Variants in MLLT1 observed in about 807,000 individuals in gnomAD.
The protein encoded by MLLT1 is MLLT1 super elongation complex subunit.
Under a neutral mutation model 55.1 loss-of-function variants are expected in MLLT1, and 11 were observed. The ratio of observed to expected loss-of-function variants is 0.20; its 90% confidence interval spans 0.13 to 0.33. The LOEUF (loss-of-function observed/expected upper bound fraction) is 0.33, where lower values mean the gene tolerates loss of function less well. Ranked by LOEUF, MLLT1 falls within the 10% of genes least tolerant of loss-of-function variation. The pLI is 1.00. For missense variants in MLLT1, 536 were observed against 760.6 expected (o/e 0.70, Z 3.47); for synonymous variants, 323 against 320.1 (o/e 1.01, Z -0.10).
Position 6,222,761 on chromosome 19 carries a change from CCT to C in MLLT1, c.547-79_547-78del, listed in dbSNP as rs1173506042. The C allele has an allele frequency of 5.6e-6, 7 of 1,247,430 alleles. No homozygotes were observed. The East Asian group carries it at 1.0e-4, about 18-fold the overall frequency. 77.3% of individuals were successfully genotyped at this position (1,247,430 alleles called of 1,614,324 possible). ...TTGCGGGGCGCCCTGCTCCGCCACC[CCT>C]GACCCCTACAAAGCATAATCCACCT... On this transcript the variant is annotated intron_variant, in intron 5 of 11. Coordinates refer to ENST00000252674, the MANE Select transcript of MLLT1 (RefSeq NM_005934.4). The surrounding 1 kb of genome is among the most constrained non-coding windows in gnomAD (Gnocchi z 4.1).
chr19:6,265,057 CAAAAA>C (rs1206210263), intron 2 of MLLT1, among the ~76,000 whole-genome samples: 1 of 32,602 alleles, frequency 3.1e-5, no homozygotes, highest in Non-Finnish European at 6.8e-5. Context: ...AACAAAAAAA[CAAAAA>C]AACAAAAAAA....
chr19:6,213,271 C>T, intron 11 of MLLT1, 66 bp downstream of exon 11: 1 of 1,607,958 alleles, frequency 6.2e-7, no homozygotes, highest in South Asian at 1.1e-5. Flanking sequence ...ACCAGGGGCC[C>T]CCGCAGCCCA....
In MLLT1 at chr19:6,256,220, GATAAATAAATAA is replaced by G. The variant is rs200816706; in HGVS notation, c.276+5996_276+6007del. Among the ~76,000 whole-genome samples, 7 of 141,968 alleles carry G rather than the reference GATAAATAAATAA, an allele frequency of 4.9e-5. No homozygotes were observed. The highest frequency in any genetic ancestry group is 8.2e-5 in the African/African-American group (3 of 36,630). The allele number at this position is 141,968 out of a possible 152,430, so 93.1% of individuals were successfully genotyped here. On this transcript the variant is annotated intron_variant, in intron 3 of 11. Coordinates refer to ENST00000252674, the MANE Select transcript of MLLT1 (RefSeq NM_005934.4). This position sits in a 1 kb window ranked among gnomAD's most constrained non-coding sequence, Gnocchi z 4.1. ...CAAGAGCGAAACTCTGTCTCAAAAA[GATAAATAAATAA>G]ATAAATAAATAAATAAATAAATAAA...
At chr19:6,253,126 T>C (rs12150936) in intron 3 of MLLT1, among the ~76,000 whole-genome samples, 52,165 of 150,026 alleles carry the variant, frequency 0.35, 10,800 homozygotes, top group African/African-American at 0.59. Context: ...ATTAGCCAGG[T>C]ATGGTGGGCA....
chr19:6,222,757 C>G lies in MLLT1; in HGVS notation c.547-73G>C. ...GGCATTGCGGGGCGCCCTGCTCCGC[C>G]ACCCCTGACCCCTACAAAGCATAAT... On this transcript the variant is annotated intron_variant, in intron 5 of 11. Transcript: ENST00000252674. This position sits in a 1 kb window ranked among gnomAD's most constrained non-coding sequence, Gnocchi z 4.1. The G allele has an allele frequency of 8.0e-7, 1 of 1,255,516 alleles. No individual in the cohort carries two copies. Among genetic ancestry groups the G allele is most frequent in the Admixed American group, 2.6e-5 (1 of 38,924 alleles). 77.8% of individuals were successfully genotyped at this position (1,255,516 alleles called of 1,614,324 possible).
intron 11 of MLLT1, 55 bp downstream of exon 11, chr19:6,213,282 C>T (rs1218926966): frequency 6.2e-7 from 1 of 1,609,034 alleles, no homozygotes; most frequent in Non-Finnish European, 8.5e-7. Context: ...CCGCAGCCCA[C>T]ACTCCTCACA....
Position 6,222,663 on chromosome 19 carries a change from T to C in MLLT1, c.568A>G (p.Lys190Glu). Residue 190 changes from lysine (K) to glutamate (E), a missense_variant, in exon 6 of 12, where the codon AAG becomes GAG. By Grantham distance (56) the Lys-to-Glu change is moderately conservative. Around this residue, in one of 3 missense-constraint regions of MLLT1, gnomAD observed 449 missense variants for 489.0 expected, o/e 0.92. Transcript: ENST00000252674. The surrounding 1 kb of genome is among the most constrained non-coding windows in gnomAD (Gnocchi z 4.1). ...GTCACCTTGTGTGGCTTGGAGGTCT[T>C]GCTGCTCTCCTTGTTGGCGTCCTGC... ...GSKDANKESSKTSKPHKVTKE... is the reference protein window; with the variant it reads ...GSKDANKESSETSKPHKVTKE... 1 of 1,550,768 alleles carries C rather than the reference T, an allele frequency of 6.4e-7. No individual in the cohort carries two copies. The highest frequency in any genetic ancestry group is 1.4e-5 in the African/African-American group (1 of 73,188).
chr19:6,215,798 G>A (rs1200360048), intron 8 of MLLT1, among the ~76,000 whole-genome samples: 2 of 152,176 alleles, frequency 1.3e-5, no homozygotes, highest in East Asian at 1.9e-4. Flanking sequence ...TGTGCCCGGG[G>A]CCAAGGCCAG....
Position 6,229,404 on chromosome 19 carries a change from T to A in MLLT1, c.420+1166A>T, listed in dbSNP as rs144223754. Among the ~76,000 whole-genome samples, 968 of 151,942 alleles carry A rather than the reference T, an allele frequency of 6.4e-3. 6 individuals are homozygous for A. The highest frequency in any genetic ancestry group is 0.011 in the Non-Finnish European group (746 of 67,920). ...AGGAGAACGACGGCCACCAAGGACC[T>A]GACCATGCCCCATGAGGAGGAAGGA... is the stretch of plus-strand genomic sequence containing the variant. On this transcript the variant is annotated intron_variant, in intron 4 of 11. Transcript: ENST00000252674. The surrounding 1 kb of genome is among the most constrained non-coding windows in gnomAD (Gnocchi z 5.2).
At chr19:6,255,662 T>C (rs1224235485) in intron 3 of MLLT1, among the ~76,000 whole-genome samples, 1 of 152,198 alleles carries the variant, frequency 6.6e-6, no homozygotes, top group Non-Finnish European at 1.5e-5. Context: ...GTTTCAAAAA[T>C]GACTAGATAC....
intron 6 of MLLT1, among the ~76,000 whole-genome samples, chr19:6,221,557 G>A (rs2090896802): frequency 1.3e-5 from 2 of 152,242 alleles, no homozygotes; most frequent in Admixed American, 6.5e-5. Context: ...CCAAGTCACA[G>A]CTGTGTGCGA....
chr19:6,212,215 C>T lies in MLLT1; in HGVS notation c.*827G>A, dbSNP rs1298680338. ...CGAGAGCAGACTGGTGGCTCCCGGG[C>T]GCCCTGAGGACTCGCTGCCCTTTGT... On this transcript the variant is annotated 3_prime_UTR_variant, in exon 12 of 12. Coordinates refer to ENST00000252674, the MANE Select transcript of MLLT1 (RefSeq NM_005934.4). The T allele has an allele frequency of 2.7e-5, 29 of 1,065,926 alleles. No homozygotes were observed. In the South Asian group the frequency reaches 5.0e-4, roughly 18 times the overall value. 66.0% of individuals were successfully genotyped at this position (1,065,926 alleles called of 1,614,324 possible). A position where few individuals can be genotyped will look rare whatever the true frequency, so the allele number is the denominator to read the frequency against.
intron 3 of MLLT1, chr19:6,259,462 A>G (rs1454377505): frequency 6.6e-6 from 1 of 152,218 alleles, no homozygotes; most frequent in Non-Finnish European, 1.5e-5. Flanking sequence ...TTCCAATCCT[A>G]GCTCTGCCAA....
At chr19:6,244,043 C>CAAAAAAA (rs1179461309) in intron 3 of MLLT1, among the ~76,000 whole-genome samples, 2 of 45,208 alleles carry the variant, frequency 4.4e-5, no homozygotes, top group East Asian at 1.5e-3. Context: ...GACTCCACCT[C>CAAAAAAA]AAAAAAAAAA....
chr19:6,270,516 C>T lies in MLLT1; in HGVS notation c.193+63G>A. ...CTCCTGAGGGAGGGGTGGAGCCTGG[C>T]CTTGGGAGGAGTGAAGACAGATGGG... On this transcript the variant is annotated intron_variant, in intron 2 of 11. Coordinates refer to ENST00000252674, the MANE Select transcript of MLLT1 (RefSeq NM_005934.4). This position sits in a 1 kb window ranked among gnomAD's most constrained non-coding sequence, Gnocchi z 7.1. 6.6e-7 allele frequency: 1 copy of T among 1,520,954 alleles called. No homozygotes were observed. The highest frequency in any genetic ancestry group is 1.2e-5 in the South Asian group (1 of 80,070). 94.2% of individuals were successfully genotyped at this position (1,520,954 alleles called of 1,614,324 possible).
chr19:6,222,981 C>T lies in MLLT1; in HGVS notation c.547-297G>A, dbSNP rs1471654077. Among the ~76,000 whole-genome samples the T allele has an allele frequency of 6.6e-6, 1 of 152,184 alleles. No individual in the cohort carries two copies. The highest frequency in any genetic ancestry group is 1.5e-5 in the Non-Finnish European group (1 of 68,024). On this transcript the variant is annotated intron_variant, in intron 5 of 11. Coordinates refer to ENST00000252674, the MANE Select transcript of MLLT1 (RefSeq NM_005934.4). This position sits in a 1 kb window ranked among gnomAD's most constrained non-coding sequence, Gnocchi z 4.1. ...CAAGAAGAGCACAGGGTGAGTCAGG[C>T]AGAGCATGGCCACTTCGCCCGCACC...
In MLLT1 at chr19:6,224,769, G is replaced by C. The variant is rs12980100; in HGVS notation, c.547-2085C>G. The stretch of plus-strand genomic sequence containing the variant: ...TTTTGAGACGGAGTCTTGTTATGTC[G>C]CCCAGGCTGGAGTGCAGTGGTGCGA... On this transcript the variant is annotated intron_variant, in intron 5 of 11. Coordinates refer to ENST00000252674, the MANE Select transcript of MLLT1 (RefSeq NM_005934.4). Among the ~76,000 whole-genome samples the C allele has an allele frequency of 4.2e-3, 634 of 152,108 alleles. 3 individuals are homozygous for C. The highest frequency in any genetic ancestry group is 0.013 in the African/African-American group (553 of 41,484).
Position 6,212,164 on chromosome 19 carries a change from C to T in MLLT1, c.*878G>A. Reference sequence around the variant, plus strand: ...GCTGATGCGAGTCTGTCCGCGGAGACTGTTGGCGCTAGTCTGAGTAGAGCC... The same window carrying T: ...GCTGATGCGAGTCTGTCCGCGGAGATTGTTGGCGCTAGTCTGAGTAGAGCC... On this transcript the variant is annotated 3_prime_UTR_variant, in exon 12 of 12. Transcript: ENST00000252674. The T allele has an allele frequency of 9.4e-7, 1 of 1,066,242 alleles. No individual in the cohort carries two copies. Among genetic ancestry groups the T allele is most frequent in the Non-Finnish European group, 1.1e-6 (1 of 879,602 alleles). The allele number at this position is 1,066,242 out of a possible 1,614,324, so 66.0% of individuals were successfully genotyped here. A position where few individuals can be genotyped will look rare whatever the true frequency, so the allele number is the denominator to read the frequency against.
At chr19:6,223,580 C>T (rs1037873925) in intron 5 of MLLT1, among the ~76,000 whole-genome samples, 2 of 152,210 alleles carry the variant, frequency 1.3e-5, no homozygotes, top group African/African-American at 4.8e-5. Flanking sequence ...AGGGCAAGGC[C>T]ACCACCTCAC....
Sources: allele counts gnomAD v4.1 joint callset (sites outside exome capture counted in the v4.1 genomes callset), GRCh38; gene constraint gnomAD v4.1.1; regional missense constraint gnomAD v4.1.1; non-coding constraint Gnocchi (gnomAD v3.1); transcripts MANE v1.5; gene names NCBI Gene and HGNC (gene_info 2026-07-23, HGNC 2026-07-21).